ALDH2: variants seen among roughly 807,000 people sequenced by gnomAD.
The protein encoded by ALDH2 is aldehyde dehydrogenase, mitochondrial.
Under a neutral mutation model 59.6 loss-of-function variants are expected in ALDH2, and 44 were observed. That is an observed-to-expected ratio of 0.74 (90% CI 0.58 to 0.95). The LOEUF is 0.95. ALDH2 is among the 40% of genes least tolerant of loss of function. The probability of loss-of-function intolerance (pLI) is 0.00; values close to 1 mark genes in which losing one functional copy is unlikely to be tolerated. For synonymous variants in ALDH2, 291 were observed against 284.0 expected, an observed-to-expected ratio of 1.02 and a Z score of -0.25; for missense variants, 570 against 696.3, an observed-to-expected ratio of 0.82 and a Z score of 2.04.
At position 111,810,605 on chromosome 12, in the gene ALDH2, A is replaced by AT. The variant is rs911026675; in HGVS notation, c.*1050dup. 0.034 allele frequency: 4,676 copies of AT among 137,626 alleles called. 143 individuals are homozygous for AT. The highest frequency in any genetic ancestry group is 0.079 in the African/African-American group (2,968 of 37,490). The allele number at this position is 137,626 out of a possible 1,614,324, so 8.5% of individuals were successfully genotyped here. Reference sequence around the variant, plus strand: ...GATACTGAATGTCCAATGTTCTCAAATTTTTTTTTTTTTTTTTTTTGAGAC... The same window carrying AT: ...GATACTGAATGTCCAATGTTCTCAAATTTTTTTTTTTTTTTTTTTTTGAGAC... On this transcript the variant is annotated 3_prime_UTR_variant, in exon 13 of 13. Coordinates refer to ENST00000261733, the MANE Select transcript of ALDH2 (RefSeq NM_000690.4).
intron 7 of ALDH2, 53 bp from the exon 8 acceptor site, chr12:111,792,007 TG>T: frequency 1.8e-6 from 2 of 1,138,642 alleles, no homozygotes; most frequent in Non-Finnish European, 1.3e-6. Context: ...TATAGAGTGC[TG>T]GACTCTTTTC....
intron 3 of ALDH2, among the ~76,000 whole-genome samples, chr12:111,784,887 A>G: frequency 6.6e-6 from 1 of 152,158 alleles, no homozygotes; most frequent in African/African-American, 2.4e-5. Context: ...AAGTCACTAC[A>G]TCCGGCCTCT....
intron 1 of ALDH2, chr12:111,775,553 A>G (rs943145107): frequency 9.7e-6 from 4 of 413,844 alleles, no homozygotes; most frequent in Non-Finnish European, 1.9e-5. Flanking sequence ...ATTTATTAAA[A>G]TATGTAGGAA....
At position 111,767,083 on chromosome 12, in the gene ALDH2, T is replaced by C; in HGVS notation, c.101T>C (p.Val34Ala). 3 of 1,516,274 alleles carry C rather than the reference T, an allele frequency of 2.0e-6. No individual in the cohort carries two copies. The highest frequency in any genetic ancestry group is 1.8e-6 in the Non-Finnish European group (2 of 1,138,598). 93.9% of individuals were successfully genotyped at this position (1,516,274 alleles called of 1,614,324 possible). A position where few individuals can be genotyped will look rare whatever the true frequency, so the allele number is the denominator to read the frequency against. Reference protein sequence around the residue: ...AVPAPNQQPEVFCNQIFINNE... With the variant: ...AVPAPNQQPEAFCNQIFINNE... ...CCTGCCCCCAACCAGCAGCCCGAGGTCTTCTGCAACCAGGTGAGCCCACCG... is the reference window on the plus strand; with the variant it reads ...CCTGCCCCCAACCAGCAGCCCGAGGCCTTCTGCAACCAGGTGAGCCCACCG... The change falls in exon 1 of 13, where the codon GTC becomes GCC. Residue 34 changes from valine (V) to alanine (A), a missense_variant. Val to Ala is a moderately conservative substitution (Grantham distance 64). Coordinates refer to ENST00000261733, the MANE Select transcript of ALDH2 (RefSeq NM_000690.4).
In ALDH2 at chr12:111,800,026, A is replaced by T; in HGVS notation, c.1369A>T (p.Asn457Tyr). The T allele has an allele frequency of 6.2e-7, 1 of 1,613,640 alleles. No homozygotes were observed. The highest frequency in any genetic ancestry group is 2.2e-5 in the East Asian group (1 of 44,890). ...AVFTKDLDKA[N>Y]YLSQALQAGT... ...CTTCACAAAGGATTTGGACAAGGCC[A>T]ATTACCTGTCCCAGGCCCTCCAGGC... Residue 457 changes from asparagine to tyrosine, a missense_variant, in exon 11 of 13, where the codon AAT becomes TAT. Physicochemically the swap from Asn to Tyr is moderately radical, Grantham distance 143. Transcript: ENST00000261733.
chr12:111,779,776 A>C (rs939343957), intron 1 of ALDH2, among the ~76,000 whole-genome samples: 1 of 152,182 alleles, frequency 6.6e-6, no homozygotes, highest in African/African-American at 2.4e-5. Flanking sequence ...CTGCCAGGAC[A>C]CTGGTTTACC....
intron 5 of ALDH2, among the ~76,000 whole-genome samples, 165 bp downstream of exon 5, chr12:111,790,099 G>A (rs577749293): frequency 6.6e-6 from 1 of 152,154 alleles, no homozygotes; most frequent in African/African-American, 2.4e-5. Flanking sequence ...ACTGCCACTC[G>A]TGAATTCTGT....
intron 1 of ALDH2, among the ~76,000 whole-genome samples, chr12:111,768,631 G>A (rs1235542047): frequency 6.6e-6 from 1 of 152,104 alleles, no homozygotes; most frequent in Non-Finnish European, 1.5e-5. Context: ...TTGAGCCTAG[G>A]ATTTCGAGAC....
At chr12:111,788,040 G>GAA (rs1027094927) in intron 4 of ALDH2, among the ~76,000 whole-genome samples, 3 of 145,260 alleles carry the variant, frequency 2.1e-5, no homozygotes, top group Admixed American at 6.9e-5. Context: ...CTCTGTCTCA[G>GAA]AAAAAAAAAT....
chr12:111,802,731 T>A (rs1223901623), intron 11 of ALDH2, among the ~76,000 whole-genome samples: 1 of 146,262 alleles, frequency 6.8e-6, no homozygotes. Flanking sequence ...ATACAAAAAT[T>A]TAGCCGGGTG....
At chr12:111,767,151 C>T (rs1410676841) in intron 1 of ALDH2, 55 bp downstream of exon 1, 11 of 1,369,962 alleles carry the variant, frequency 8.0e-6, no homozygotes, top group Non-Finnish European at 1.0e-5. Context: ...CCCCCGCAGG[C>T]CCCTAGGAAG....
intron 1 of ALDH2, among the ~76,000 whole-genome samples, chr12:111,771,948 A>C (rs574579312): frequency 1.7e-3 from 260 of 152,106 alleles, no homozygotes; most frequent in African/African-American, 5.6e-3. Context: ...AAAATACAAA[A>C]ATTAGCTAGG....
chr12:111,773,327 TGG>T (rs1228694621), intron 1 of ALDH2, among the ~76,000 whole-genome samples: 2 of 152,210 alleles, frequency 1.3e-5, no homozygotes, highest in African/African-American at 4.8e-5. Flanking sequence ...CCAGAATCTG[TGG>T]GACACACTTG....
intron 12 of ALDH2, among the ~76,000 whole-genome samples, chr12:111,805,813 A>C (rs1401108962): frequency 6.6e-6 from 1 of 151,970 alleles, no homozygotes; most frequent in Admixed American, 6.6e-5. Context: ...TCACAAGGTC[A>C]AGAGATCGAG....
chr12:111,803,237 G>A lies in ALDH2; in HGVS notation c.1407-622G>A, dbSNP rs186089024. ...ATAAATAAAAATAAATAAATAAATG[G>A]TAAATTTCAAATTCAAATAAAATTT... On this transcript the variant is annotated intron_variant, in intron 11 of 12. Transcript: ENST00000261733. Among the ~76,000 whole-genome samples, 53 of 149,012 alleles carry A rather than the reference G, an allele frequency of 3.6e-4. No homozygotes were observed. The Middle Eastern group carries it at 0.01, about 29-fold the overall frequency.
chr12:111,816,017 A>T lies in ALDH2; in HGVS notation c.*6442A>T, dbSNP rs1254360690. On this transcript the variant is annotated 3_prime_UTR_variant, in exon 13 of 13. Coordinates refer to ENST00000261733, the MANE Select transcript of ALDH2 (RefSeq NM_000690.4). ...ATAGTACGGATATTTATCCCCTCAA[A>T]ATCTCATGTTAAAATGTAATCTTCA... 6.6e-6 allele frequency: 1 copy of T among 152,114 alleles called. No homozygotes were observed. Among genetic ancestry groups the T allele is most frequent in the African/African-American group, 2.4e-5 (1 of 41,410 alleles). The allele number at this position is 152,114 out of a possible 1,614,324, so 9.4% of individuals were successfully genotyped here.
At chr12:111,781,879 G>T in intron 1 of ALDH2, 39 bp from the exon 2 acceptor site, 2 of 1,453,650 alleles carry the variant, frequency 1.4e-6, no homozygotes, top group South Asian at 1.1e-5. Context: ...GTATTAGGTT[G>T]ACAGCTGGTC....
At chr12:111,773,040 C>T (rs1419948982) in intron 1 of ALDH2, among the ~76,000 whole-genome samples, 1 of 150,850 alleles carries the variant, frequency 6.6e-6, no homozygotes, top group Non-Finnish European at 1.5e-5. Context: ...AGGCGGATCA[C>T]CTCAGGTGGA....
At chr12:111,772,149 A>G (rs1013781660) in intron 1 of ALDH2, among the ~76,000 whole-genome samples, 3 of 152,154 alleles carry the variant, frequency 2.0e-5, no homozygotes, top group African/African-American at 4.8e-5. Context: ...ATGAGCAGAT[A>G]TTAAAAGAAA....
Sources: allele counts gnomAD v4.1 joint callset (sites outside exome capture counted in the v4.1 genomes callset), GRCh38; gene constraint gnomAD v4.1.1; transcripts MANE v1.5; gene names NCBI Gene and HGNC (gene_info 2026-07-23, HGNC 2026-07-21).